ROBO1: variants seen among roughly 807,000 people sequenced by gnomAD.
ROBO1 encodes roundabout homolog 1.
ROBO1 carries 149 observed loss-of-function variants against 195.9 expected under a neutral mutation model. The ratio of observed to expected loss-of-function variants is 0.76; its 90% CI spans 0.67 to 0.87. The LOEUF (loss-of-function observed/expected upper bound fraction) is 0.87. ROBO1 is among the 40% of genes least tolerant of loss of function. The pLI is 0.00. For missense variants in ROBO1, 1,933 were observed against 2,068.3 expected (o/e 0.93, Z 1.27); for synonymous variants, 816 against 733.2 (o/e 1.11, Z -1.82).
At chr3:79,571,997 T>C (rs1292477777) in intron 2 of ROBO1, among the ~76,000 whole-genome samples, 2 of 152,004 alleles carry the variant, frequency 1.3e-5, no homozygotes, top group East Asian at 3.8e-4. Context: ...AACATGGAAG[T>C]CAAACTGTAA....
At chr3:79,519,159 G>A (rs1941084551) in intron 2 of ROBO1, among the ~76,000 whole-genome samples, 1 of 152,136 alleles carries the variant, frequency 6.6e-6, no homozygotes, top group African/African-American at 2.4e-5. Flanking sequence ...AGCTCCAAGA[G>A]CAAGAAGCAT....
chr3:79,532,591 G>C (rs1325083661), intron 2 of ROBO1, among the ~76,000 whole-genome samples: 1 of 151,566 alleles, frequency 6.6e-6, no homozygotes, highest in African/African-American at 2.4e-5. Flanking sequence ...AGAGCAACAG[G>C]CAACACATAT....
At chr3:78,801,831 G>T (rs2084381130) in intron 4 of ROBO1, among the ~76,000 whole-genome samples, 1 of 152,080 alleles carries the variant, frequency 6.6e-6, no homozygotes, top group Admixed American at 6.5e-5. Context: ...CATTTTGTGG[G>T]ACATTTACAA....
chr3:78,923,166 C>A (rs1002188832), intron 4 of ROBO1, among the ~76,000 whole-genome samples: 1 of 152,032 alleles, frequency 6.6e-6, no homozygotes, highest in African/African-American at 2.4e-5. Flanking sequence ...ACCTTTCAGC[C>A]CCAGAAAATC....
chr3:79,691,024 A>G (rs1947283559), intron 1 of ROBO1, among the ~76,000 whole-genome samples: 1 of 151,942 alleles, frequency 6.6e-6, no homozygotes, highest in Admixed American at 6.6e-5. Context: ...TCTTATAAAC[A>G]TCTTTAAGGT....
chr3:79,048,260 C>T (rs572846087), intron 3 of ROBO1, among the ~76,000 whole-genome samples: 98 of 152,216 alleles, frequency 6.4e-4, no homozygotes, highest in African/African-American at 2.3e-3. Flanking sequence ...ATCCCCATCC[C>T]GTGGCAGTCA....
At chr3:79,401,833 T>C (rs1467561584) in intron 2 of ROBO1, among the ~76,000 whole-genome samples, 1 of 151,788 alleles carries the variant, frequency 6.6e-6, no homozygotes, top group African/African-American at 2.4e-5. Flanking sequence ...TAAAATGAAC[T>C]CTTGGCAAAG....
At chr3:79,398,419 C>G (rs1408004424) in intron 2 of ROBO1, among the ~76,000 whole-genome samples, 1 of 152,018 alleles carries the variant, frequency 6.6e-6, no homozygotes, top group Non-Finnish European at 1.5e-5. Flanking sequence ...TGAACATGAC[C>G]TTTACAGATG....
chr3:78,978,197 A>G (rs1283902850), intron 3 of ROBO1, among the ~76,000 whole-genome samples: 1 of 152,130 alleles, frequency 6.6e-6, no homozygotes, highest in African/African-American at 2.4e-5. Flanking sequence ...ACAGATTAAA[A>G]AAACCAGTAA....
At chr3:78,966,412 G>A (rs1002621539) in intron 3 of ROBO1, among the ~76,000 whole-genome samples, 13 of 152,142 alleles carry the variant, frequency 8.5e-5, no homozygotes, top group African/African-American at 3.1e-4. Context: ...TTAACTGCTT[G>A]GTACATCACA....
chr3:78,633,798 G>C lies in ROBO1; in HGVS notation c.3481+137C>G, dbSNP rs182559352. ...AAAGTCCCTCAAATTGCAGAGACAAGACACATGCCTGAGACTCAAATTACA... is the reference window on the plus strand; with the variant it reads ...AAAGTCCCTCAAATTGCAGAGACAACACACATGCCTGAGACTCAAATTACA... On this transcript the variant is annotated intron_variant, in intron 24 of 30. Coordinates refer to ENST00000464233, the MANE Select transcript of ROBO1 (RefSeq NM_002941.4). The C allele has an allele frequency of 8.2e-6, 4 of 487,426 alleles. No homozygotes were observed. In the Admixed American group the frequency reaches 1.2e-4, roughly 14 times the overall value. 30.2% of individuals were successfully genotyped at this position (487,426 alleles called of 1,614,324 possible). A position where few individuals can be genotyped will look rare whatever the true frequency, so the allele number is the denominator to read the frequency against.
rs1349053052 is a variant in ROBO1, at chr3:79,591,800, G to T, written c.-50-1839C>A. 1.3e-5 allele frequency among the ~76,000 whole-genome samples: 2 copies of T among 151,570 alleles called. 1 individual carries two copies. Among genetic ancestry groups the T allele is most frequent in the East Asian group, 3.9e-4 (2 of 5,112 alleles). On this transcript the variant is annotated intron_variant, in intron 1 of 30. Coordinates refer to ENST00000464233, the MANE Select transcript of ROBO1 (RefSeq NM_002941.4). ...AGTATATTGTGTACTGGTCATTTCT[G>T]CTTGGCTGGCTTTTGATATAACAGT...
chr3:79,521,127 C>T (rs1310577895), intron 2 of ROBO1, among the ~76,000 whole-genome samples: 1 of 152,162 alleles, frequency 6.6e-6, no homozygotes, highest in Non-Finnish European at 1.5e-5. Flanking sequence ...CTCCTCTCCC[C>T]ACAATTGCTC....
At chr3:79,508,628 C>A (rs923454491) in intron 2 of ROBO1, among the ~76,000 whole-genome samples, 7 of 152,118 alleles carry the variant, frequency 4.6e-5, no homozygotes, top group Admixed American at 1.3e-4. Flanking sequence ...AAAAGGAATT[C>A]TCAGAAATTA....
At chr3:79,658,309 GTTAA>G (rs1363093594) in intron 1 of ROBO1, among the ~76,000 whole-genome samples, 1 of 151,994 alleles carries the variant, frequency 6.6e-6, no homozygotes, top group Non-Finnish European at 1.5e-5. Context: ...AGAACGAATG[GTTAA>G]TTATTTCTTA....
intron 21 of ROBO1, among the ~76,000 whole-genome samples, 196 bp from the exon 22 acceptor site, chr3:78,640,094 T>C (rs1197035103): frequency 6.6e-6 from 1 of 152,142 alleles, no homozygotes; most frequent in Non-Finnish European, 1.5e-5. Context: ...TCCATTTACA[T>C]AGCCATAACT....
In ROBO1 at chr3:79,023,865, G is replaced by A. The variant is rs556036134; in HGVS notation, c.173-84938C>T. 9.9e-5 allele frequency among the ~76,000 whole-genome samples: 15 copies of A among 150,802 alleles called. No homozygotes were observed. In the South Asian group the frequency reaches 2.5e-3, roughly 25 times the overall value. ...ATTACAGGTGCTGGCCACCACACCC[G>A]GCTATTTTTTTTTTTTTTGTATTTT... On this transcript the variant is annotated intron_variant, in intron 3 of 30. Transcript: ENST00000464233.
chr3:78,960,834 A>G (rs2041306215), intron 3 of ROBO1, among the ~76,000 whole-genome samples: 1 of 148,344 alleles, frequency 6.7e-6, no homozygotes, highest in Non-Finnish European at 1.5e-5. Context: ...ACACACACAC[A>G]AAATGAAAAT....
At chr3:78,663,068 A>G (rs1707524224) in intron 14 of ROBO1, among the ~76,000 whole-genome samples, 1 of 152,112 alleles carries the variant, frequency 6.6e-6, no homozygotes, top group Non-Finnish European at 1.5e-5. Context: ...TGGCACCTAC[A>G]TTCCAGATGA....
Sources: gnomAD v4.1 joint callset for allele counts (sites outside exome capture counted in the v4.1 genomes callset) on GRCh38, gnomAD v4.1.1 for gene constraint, MANE v1.5 for transcripts, NCBI Gene and HGNC (gene_info 2026-07-23, HGNC 2026-07-21) for gene names.